Variants in USP32 observed in about 807,000 individuals in gnomAD.
The protein encoded by USP32 is ubiquitin specific peptidase 32.
USP32 carries 59 observed loss-of-function variants against 204.8 expected under a neutral mutation model. The ratio of observed to expected loss-of-function variants is 0.29; its 90% CI spans 0.23 to 0.36. The LOEUF (loss-of-function observed/expected upper bound fraction) is 0.36, where lower values mean the gene tolerates loss of function less well. Ranked by LOEUF, USP32 falls within the 10% of genes least tolerant of loss-of-function variation. The pLI is 1.00. For missense variants in USP32, 1,160 were observed against 1,946.4 expected, an observed-to-expected ratio of 0.60 and a Z score of 7.60; for synonymous variants, 517 against 678.4, an observed-to-expected ratio of 0.76 and a Z score of 3.70.
chr17:60,281,711 C>G (rs1225701275), intron 5 of USP32, among the ~76,000 whole-genome samples: 1 of 152,104 alleles, frequency 6.6e-6, no homozygotes, highest in African/African-American at 2.4e-5. Context: ...TTTCCCACAG[C>G]AATAGTAAGT....
At chr17:60,268,993 G>A (rs1275899109) in intron 7 of USP32, among the ~76,000 whole-genome samples, 1 of 152,112 alleles carries the variant, frequency 6.6e-6, no homozygotes, top group Non-Finnish European at 1.5e-5. Context: ...CAACATTTTA[G>A]TTAGGTTAAA....
At chr17:60,383,249 A>AG (rs1307277891) in intron 1 of USP32, among the ~76,000 whole-genome samples, 4 of 152,066 alleles carry the variant, frequency 2.6e-5, no homozygotes, top group Non-Finnish European at 5.9e-5. Flanking sequence ...AAAAAAAAAA[A>AG]AAAACTTTAA....
At chr17:60,262,811 A>G (rs1474228965) in intron 9 of USP32, among the ~76,000 whole-genome samples, 1 of 152,148 alleles carries the variant, frequency 6.6e-6, no homozygotes, top group Non-Finnish European at 1.5e-5. Context: ...CTCTTTTAGG[A>G]ATCACCTTTC....
intron 6 of USP32, among the ~76,000 whole-genome samples, chr17:60,270,780 G>A (rs538881144): frequency 4.1e-5 from 6 of 146,886 alleles, no homozygotes; most frequent in Non-Finnish European, 5.9e-5. Context: ...CCGAGATGGC[G>A]CCACTGCACT....
intron 2 of USP32, among the ~76,000 whole-genome samples, chr17:60,325,435 G>A (rs4349209): frequency 0.2 from 30,327 of 151,752 alleles, 7,360 homozygotes; most frequent in African/African-American, 0.58. Context: ...AAAAAAAAGA[G>A]AAAAAGAAAG....
intron 2 of USP32, among the ~76,000 whole-genome samples, chr17:60,334,961 G>A (rs1031684822): frequency 1.4e-5 from 2 of 141,968 alleles, no homozygotes; most frequent in South Asian, 2.1e-4. Flanking sequence ...GCCCAGCCAC[G>A]TTTTTTTATT....
chr17:60,356,269 C>A (rs1003225907), intron 1 of USP32, among the ~76,000 whole-genome samples: 1 of 152,068 alleles, frequency 6.6e-6, no homozygotes, highest in Admixed American at 6.6e-5. Flanking sequence ...AACCAAAAAA[C>A]ATGAAAGGAA....
chr17:60,322,187 GTTATT>G (rs1348966193), intron 2 of USP32, among the ~76,000 whole-genome samples: 2 of 151,874 alleles, frequency 1.3e-5, no homozygotes, highest in Admixed American at 6.6e-5. Context: ...TTTTTTTAAG[GTTATT>G]TTAAGATGAG....
chr17:60,238,375 G>GT (rs2085788648), intron 11 of USP32, among the ~76,000 whole-genome samples: 1 of 152,000 alleles, frequency 6.6e-6, no homozygotes, highest in South Asian at 2.1e-4. Flanking sequence ...ATGTATAAAA[G>GT]TTTTAAGTTT....
At chr17:60,407,833 C>T (rs984849769) in intron 1 of USP32, among the ~76,000 whole-genome samples, 5 of 146,466 alleles carry the variant, frequency 3.4e-5, no homozygotes, top group Non-Finnish European at 7.5e-5. Flanking sequence ...TGCAGTGGCT[C>T]ACGCATGTAA....
intron 5 of USP32, among the ~76,000 whole-genome samples, chr17:60,283,732 A>G (rs2087033279): frequency 6.6e-6 from 1 of 151,786 alleles, no homozygotes; most frequent in Non-Finnish European, 1.5e-5. Context: ...TTCACTTTAG[A>G]TATAAGATTT....
intron 1 of USP32, among the ~76,000 whole-genome samples, chr17:60,372,637 T>C (rs1567881523): frequency 6.6e-6 from 1 of 150,906 alleles, no homozygotes; most frequent in Non-Finnish European, 1.5e-5. Context: ...GCCAGGGGTT[T>C]GAGACCAGTC....
chr17:60,389,991 T>G (rs962444411), intron 1 of USP32, among the ~76,000 whole-genome samples: 1 of 152,084 alleles, frequency 6.6e-6, no homozygotes, highest in African/African-American at 2.4e-5. Flanking sequence ...CACTCCAGCC[T>G]GGGCAACAGA....
intron 12 of USP32, among the ~76,000 whole-genome samples, chr17:60,233,757 C>T (rs146170956): frequency 1.3e-5 from 2 of 152,184 alleles, no homozygotes; most frequent in East Asian, 1.9e-4. Context: ...TAATAAGTTG[C>T]CATAGTTCCC....
In USP32 at chr17:60,391,981, G is replaced by A. The variant is rs375214681; in HGVS notation, c.-42C>T. The A allele has an allele frequency of 1.9e-6, 3 of 1,585,548 alleles. No homozygotes were observed. Among genetic ancestry groups the A allele is most frequent in the Non-Finnish European group, 2.6e-6 (3 of 1,165,568 alleles). ...CGGCGGGGGGTCGGAGCCTGATCTCGCCCCCACCCCCCTCCCGCCTTCTCC... is the reference window on the plus strand; with the variant it reads ...CGGCGGGGGGTCGGAGCCTGATCTCACCCCCACCCCCCTCCCGCCTTCTCC... On this transcript the variant is annotated 5_prime_UTR_variant, in exon 1 of 34. Transcript: ENST00000300896.
intron 9 of USP32, chr17:60,256,824 C>A: frequency 9.8e-7 from 1 of 1,018,614 alleles, no homozygotes; most frequent in South Asian, 1.7e-5. Flanking sequence ...TAGGTGAATT[C>A]TGGATTGGGC....
At chr17:60,361,354 A>G (rs901664337) in intron 1 of USP32, among the ~76,000 whole-genome samples, 2 of 152,208 alleles carry the variant, frequency 1.3e-5, no homozygotes, top group Non-Finnish European at 2.9e-5. Context: ...AATACATATT[A>G]TAATGCAACT....
chr17:60,330,203 C>T (rs2088346426), intron 2 of USP32, among the ~76,000 whole-genome samples: 2 of 152,186 alleles, frequency 1.3e-5, no homozygotes, highest in South Asian at 4.1e-4. Flanking sequence ...AAATTGCTCT[C>T]TTTAAAATTA....
intron 11 of USP32, among the ~76,000 whole-genome samples, chr17:60,249,905 C>T (rs2086124375): frequency 7.4e-6 from 1 of 134,512 alleles, no homozygotes; most frequent in South Asian, 2.4e-4. Context: ...ATTTGTTTCA[C>T]CTCATTGCAT....
Sources: allele counts gnomAD v4.1 joint callset (sites outside exome capture counted in the v4.1 genomes callset), GRCh38; gene constraint gnomAD v4.1.1; transcripts MANE v1.5; gene names NCBI Gene and HGNC (gene_info 2026-07-23, HGNC 2026-07-21).